Variants in DCAF6 observed in about 807,000 individuals in gnomAD.
DCAF6 encodes DDB1- and CUL4-associated factor 6.
A neutral mutation model predicts 125.1 loss-of-function variants in DCAF6; 54 were observed. The ratio of observed to expected loss-of-function variants is 0.43; its 90% CI spans 0.35 to 0.54. The LOEUF is 0.54. DCAF6 is among the 20% of genes least tolerant of loss of function. The pLI is 0.01. For synonymous variants in DCAF6, 371 were observed against 390.4 expected, an observed-to-expected ratio of 0.95 and a Z score of 0.58; for missense variants, 934 against 1,161.7, an observed-to-expected ratio of 0.80 and a Z score of 2.85.
At chr1:167,994,502 G>C (rs545113745) in intron 7 of DCAF6, among the ~76,000 whole-genome samples, 2 of 152,148 alleles carry the variant, frequency 1.3e-5, no homozygotes, top group African/African-American at 2.4e-5. Context: ...ATTTATAACA[G>C]TAACCTTAGG....
the DCAF6 span, among the ~76,000 whole-genome samples, chr1:167,921,926 C>G: frequency 6.6e-6 from 1 of 151,982 alleles, no homozygotes; most frequent in Non-Finnish European, 1.5e-5. Context: ...TTAGGATTAT[C>G]CACTTTGACC....
chr1:167,918,031 C>T, the DCAF6 span: 1 of 256,632 alleles, frequency 3.9e-6, no homozygotes, highest in Non-Finnish European at 7.4e-6. Flanking sequence ...CTTTTATGTA[C>T]ATATGTTGGC....
intron 12 of DCAF6, among the ~76,000 whole-genome samples, chr1:168,032,891 A>C (rs1687281235): frequency 6.6e-6 from 1 of 152,194 alleles, no homozygotes; most frequent in Admixed American, 6.5e-5. Flanking sequence ...TTAGATTTAC[A>C]TATGAGATAG....
chr1:167,867,234 G>T, the DCAF6 span, among the ~76,000 whole-genome samples: 1 of 152,206 alleles, frequency 6.6e-6, no homozygotes, highest in East Asian at 1.9e-4. Flanking sequence ...GGAGCTGTAC[G>T]TGGATGGGAG....
At chr1:168,013,744 G>GATT (rs1194621545) in intron 10 of DCAF6, among the ~76,000 whole-genome samples, 7 of 151,830 alleles carry the variant, frequency 4.6e-5, no homozygotes, top group African/African-American at 7.2e-5. Flanking sequence ...AACTTCTCTT[G>GATT]ATTATTATTA....
At chr1:168,023,187 AGGTGG>A in intron 12 of DCAF6, 140 bp downstream of exon 12, 2 of 848,122 alleles carry the variant, frequency 2.4e-6, no homozygotes, top group South Asian at 1.5e-5. Flanking sequence ...AAATTACAAT[AGGTGG>A]TATTGTACAT....
At chr1:168,016,764 ATAC>A (rs1685029387) in intron 11 of DCAF6, among the ~76,000 whole-genome samples, 1 of 152,106 alleles carries the variant, frequency 6.6e-6, no homozygotes, top group Non-Finnish European at 1.5e-5. Flanking sequence ...TATTATATAA[ATAC>A]TATAGTAGGT....
chr1:167,967,419 CCTTTA>C (rs1286284241), intron 3 of DCAF6, among the ~76,000 whole-genome samples: 3 of 152,206 alleles, frequency 2.0e-5, no homozygotes, highest in Non-Finnish European at 4.4e-5. Flanking sequence ...CAGAATGTTT[CCTTTA>C]CAAGGATGGT....
At chr1:167,992,274 C>T (rs1680951020) in intron 6 of DCAF6, among the ~76,000 whole-genome samples, 1 of 149,574 alleles carries the variant, frequency 6.7e-6, no homozygotes, top group South Asian at 2.1e-4. Context: ...CACACACACA[C>T]ACACACACAA....
chr1:167,893,241 G>C, the DCAF6 span, among the ~76,000 whole-genome samples: 1 of 152,112 alleles, frequency 6.6e-6, no homozygotes, highest in South Asian at 2.1e-4. Context: ...TCTGCTATGT[G>C]GCATATAGAA....
chr1:167,981,405 G>A (rs560630736), intron 4 of DCAF6, among the ~76,000 whole-genome samples: 2 of 152,206 alleles, frequency 1.3e-5, no homozygotes, highest in South Asian at 4.1e-4. Context: ...GATTCGAGGG[G>A]TACATGTGCA....
intron 4 of DCAF6, among the ~76,000 whole-genome samples, chr1:167,982,213 G>A (rs1225904662): frequency 1.3e-5 from 2 of 152,022 alleles, no homozygotes; most frequent in African/African-American, 4.8e-5. Flanking sequence ...TTTTTTAAGG[G>A]GGTTATTTGG....
chr1:168,059,997 A>G (rs1691382618), intron 17 of DCAF6, among the ~76,000 whole-genome samples: 1 of 152,160 alleles, frequency 6.6e-6, no homozygotes, highest in South Asian at 2.1e-4. Flanking sequence ...TTCTGTGAGC[A>G]GGTTTTGCAT....
intron 12 of DCAF6, among the ~76,000 whole-genome samples, chr1:168,037,808 C>T (rs1688032010): frequency 6.6e-6 from 1 of 152,138 alleles, no homozygotes. Context: ...TAGAAAATAT[C>T]AAAGCACTAT....
the DCAF6 span, chr1:167,901,844 T>A: frequency 1.2e-6 from 2 of 1,614,144 alleles, no homozygotes; most frequent in Non-Finnish European, 1.7e-6. Context: ...TGACCTGCCC[T>A]GGGGATCAAT....
At chr1:167,913,963 T>TA in the DCAF6 span, 2 of 152,264 alleles carry the variant, frequency 1.3e-5, no homozygotes, top group African/African-American at 4.8e-5. Context: ...CTGAGACTCT[T>TA]ACTTCCACAT....
intron 12 of DCAF6, among the ~76,000 whole-genome samples, chr1:168,025,480 A>C (rs1686220958): frequency 6.6e-6 from 1 of 152,208 alleles, no homozygotes; most frequent in African/African-American, 2.4e-5. Context: ...GTAGTAGACT[A>C]TCAGAAATGT....
At chr1:168,009,728 A>G (rs1030261295) in intron 10 of DCAF6, among the ~76,000 whole-genome samples, 3 of 150,728 alleles carry the variant, frequency 2.0e-5, no homozygotes, top group Non-Finnish European at 4.4e-5. Flanking sequence ...ATATAAGACA[A>G]GTCTTTCATA....
chr1:167,936,790 C>G lies in DCAF6; in HGVS notation c.-122C>G, dbSNP rs1571534755. ...CTGCTGCCACCGCCATCTAACGCTG[C>G]GCCCTGGAGGCCCGGCGCGCGGATG... On this transcript the variant is annotated 5_prime_UTR_variant, in exon 1 of 22. Transcript: ENST00000367840. 1.5e-5 allele frequency: 13 copies of G among 852,874 alleles called. No individual in the cohort carries two copies. The East Asian group carries it at 3.6e-4, about 23-fold the overall frequency. The allele number at this position is 852,874 out of a possible 1,614,324, so 52.8% of individuals were successfully genotyped here. A position where few individuals can be genotyped will look rare whatever the true frequency, so the allele number is the denominator to read the frequency against.
Sources: allele counts gnomAD v4.1 joint callset (sites outside exome capture counted in the v4.1 genomes callset), GRCh38; gene constraint gnomAD v4.1.1; transcripts MANE v1.5; gene names NCBI Gene and HGNC (gene_info 2026-07-23, HGNC 2026-07-21).